Variants in TNRC6B observed in about 807,000 individuals in gnomAD.
The protein encoded by TNRC6B is trinucleotide repeat-containing gene 6B protein.
A neutral mutation model predicts 203.6 loss-of-function variants in TNRC6B; 52 were observed. That is an observed-to-expected ratio of 0.26 (90% CI 0.20 to 0.32). The LOEUF (loss-of-function observed/expected upper bound fraction) is 0.32, where lower values mean the gene tolerates loss of function less well. TNRC6B is among the 10% of genes least tolerant of loss of function. TNRC6B has a pLI of 1.00. For synonymous variants in TNRC6B, 838 were observed against 845.7 expected, an observed-to-expected ratio of 0.99 and a Z score of 0.16; for missense variants, 1,923 against 2,286.2, an observed-to-expected ratio of 0.84 and a Z score of 3.24.
chr22:40,142,866 G>GA (rs147195496), intron 3 of TNRC6B, among the ~76,000 whole-genome samples: 11,093 of 152,182 alleles, frequency 0.073, 551 homozygotes, highest in Middle Eastern at 0.12. Flanking sequence ...GGAGGAACTG[G>GA]ATAACCACAT....
At chr22:40,123,859 C>T (rs943239252) in intron 2 of TNRC6B, among the ~76,000 whole-genome samples, 2 of 151,638 alleles carry the variant, frequency 1.3e-5, no homozygotes, top group African/African-American at 4.9e-5. Context: ...TTGAGTTTTT[C>T]CAATGCTATC....
In TNRC6B at chr22:40,324,725, T is replaced by C. The variant is rs2071381759; in HGVS notation, c.*1484T>C. 1 of 152,692 alleles carries C rather than the reference T, an allele frequency of 6.5e-6. No individual in the cohort carries two copies. Among genetic ancestry groups the C allele is most frequent in the Non-Finnish European group, 1.5e-5 (1 of 68,052 alleles). 9.5% of individuals were successfully genotyped at this position (152,692 alleles called of 1,614,324 possible). A position where few individuals can be genotyped will look rare whatever the true frequency, so the allele number is the denominator to read the frequency against. On this transcript the variant is annotated 3_prime_UTR_variant, in exon 23 of 23. Coordinates refer to ENST00000454349, the MANE Select transcript of TNRC6B (RefSeq NM_001162501.2). The stretch of plus-strand genomic sequence containing the variant: ...AGCGTTTCCTTTTGTTTCTCTGTGT[T>C]GTGTATTTCCTGTGTATGTGGTTTT...
chr22:40,103,422 C>T (rs915397671), intron 1 of TNRC6B, among the ~76,000 whole-genome samples: 9 of 152,070 alleles, frequency 5.9e-5, no homozygotes, highest in African/African-American at 1.4e-4. Context: ...TTGAATCATA[C>T]GGTACGTAGT....
At chr22:40,184,989 T>C (rs895879051) in intron 1 of TNRC6B, among the ~76,000 whole-genome samples, 1 of 152,190 alleles carries the variant, frequency 6.6e-6, no homozygotes, top group Non-Finnish European at 1.5e-5. Context: ...GTTCCAAATT[T>C]ACCAAATTTT....
intron 1 of TNRC6B, among the ~76,000 whole-genome samples, chr22:40,229,601 T>G (rs924207070): frequency 2.6e-5 from 4 of 152,146 alleles, no homozygotes; most frequent in African/African-American, 9.7e-5. Context: ...TTATCACCCC[T>G]CTCTGCCACC....
intron 1 of TNRC6B, among the ~76,000 whole-genome samples, chr22:40,069,753 G>A (rs1310013777): frequency 6.6e-6 from 1 of 152,112 alleles, no homozygotes. Flanking sequence ...TCCCAAAAGT[G>A]CTGGGATTAC....
intron 12 of TNRC6B, among the ~76,000 whole-genome samples, chr22:40,296,230 A>G (rs184120056): frequency 6.6e-6 from 1 of 152,192 alleles, no homozygotes; most frequent in Admixed American, 6.5e-5. Flanking sequence ...CTTAAGTTCT[A>G]TGATAAAATA....
intron 1 of TNRC6B, among the ~76,000 whole-genome samples, chr22:40,209,575 C>T (rs1050581083): frequency 6.6e-6 from 1 of 152,214 alleles, no homozygotes. Context: ...TTACGCTAAC[C>T]TGCCATGGCA....
chr22:40,284,690 G>A (rs2070760375), intron 11 of TNRC6B, among the ~76,000 whole-genome samples: 1 of 152,192 alleles, frequency 6.6e-6, no homozygotes, highest in African/African-American at 2.4e-5. Context: ...GATTGGAGAG[G>A]TGGGCCCAGT....
intron 3 of TNRC6B, among the ~76,000 whole-genome samples, chr22:40,254,534 A>G (rs990513215): frequency 3.0e-4 from 45 of 152,158 alleles, no homozygotes; most frequent in African/African-American, 1.1e-3. Context: ...ACAAAACAAA[A>G]AAAGATGTTA....
At chr22:40,148,444 C>T (rs1006226458) in intron 3 of TNRC6B, among the ~76,000 whole-genome samples, 2 of 151,916 alleles carry the variant, frequency 1.3e-5, no homozygotes, top group African/African-American at 4.8e-5. Context: ...CCACCACGCC[C>T]AGCTAATTTT....
At chr22:40,179,852 C>T (rs1028551575) in intron 1 of TNRC6B, among the ~76,000 whole-genome samples, 3 of 151,834 alleles carry the variant, frequency 2.0e-5, no homozygotes, top group Non-Finnish European at 2.9e-5. Flanking sequence ...GGGACTTTCA[C>T]GCTAATTTAA....
intron 3 of TNRC6B, among the ~76,000 whole-genome samples, chr22:40,151,560 G>GGAAAAAAGAAAA (rs1555885697): frequency 7.1e-6 from 1 of 140,332 alleles, no homozygotes; most frequent in Non-Finnish European, 1.5e-5. Flanking sequence ...AAAGAAAAAA[G>GGAAAAAAGAAAA]AAAAAAACTA....
intron 12 of TNRC6B, among the ~76,000 whole-genome samples, chr22:40,289,740 T>G (rs1359838351): frequency 6.6e-6 from 1 of 152,232 alleles, no homozygotes; most frequent in Non-Finnish European, 1.5e-5. Flanking sequence ...GGAATGACTT[T>G]AAGCACTGAA....
chr22:40,177,867 C>G (rs1196675226), upstream of TNRC6B: 1 of 1,312,914 alleles, frequency 7.6e-7, no homozygotes, highest in Admixed American at 3.8e-5. Context: ...GATTGACAAA[C>G]CTACCCGAAG....
At chr22:40,145,368 C>T (rs777281118) in intron 3 of TNRC6B, among the ~76,000 whole-genome samples, 13 of 152,114 alleles carry the variant, frequency 8.5e-5, no homozygotes, top group African/African-American at 1.2e-4. Flanking sequence ...CCACCCATCT[C>T]CTTAGTCTGT....
At chr22:40,271,007 G>A (rs780603407) in intron 6 of TNRC6B, among the ~76,000 whole-genome samples, 1 of 152,252 alleles carries the variant, frequency 6.6e-6, no homozygotes, top group South Asian at 2.1e-4. Flanking sequence ...TTCCTTTGCC[G>A]TTGTCTCTCT....
In TNRC6B at chr22:40,333,459, C is replaced by T. The variant is rs2044003115; in HGVS notation, c.*10218C>T. On this transcript the variant is annotated 3_prime_UTR_variant, in exon 23 of 23. Transcript: ENST00000454349. Reference sequence around the variant, plus strand: ...TCTGAATTTCTCTCTTCCAGCAGATCCATCCCCTGCAGGGACTCCAGAATG... The same window carrying T: ...TCTGAATTTCTCTCTTCCAGCAGATTCATCCCCTGCAGGGACTCCAGAATG... 6.6e-6 allele frequency: 1 copy of T among 152,640 alleles called. No individual in the cohort carries two copies. Among genetic ancestry groups the T allele is most frequent in the African/African-American group, 2.4e-5 (1 of 41,444 alleles). The allele number at this position is 152,640 out of a possible 1,614,324, so 9.5% of individuals were successfully genotyped here.
At chr22:40,277,809 A>G (rs1170535430) in intron 8 of TNRC6B, among the ~76,000 whole-genome samples, 190 bp from the exon 9 acceptor site, 2 of 152,208 alleles carry the variant, frequency 1.3e-5, no homozygotes, top group Admixed American at 1.3e-4. Context: ...ACTGAATTGT[A>G]GGAATATAGG....
Sources: allele counts gnomAD v4.1 joint callset (sites outside exome capture counted in the v4.1 genomes callset), GRCh38; gene constraint gnomAD v4.1.1; transcripts MANE v1.5; gene names NCBI Gene and HGNC (gene_info 2026-07-23, HGNC 2026-07-21).